Variants in ADCK1 observed in about 807,000 individuals in gnomAD.
ADCK1 encodes the protein aarF domain-containing protein kinase 1.
In ADCK1, 41 loss-of-function variants were observed where a neutral mutation model predicts 52.3. The ratio of observed to expected loss-of-function variants is 0.78; its 90% CI spans 0.61 to 1.02. The LOEUF (loss-of-function observed/expected upper bound fraction) is 1.02. Ranked by LOEUF, ADCK1 falls within the 50% of genes least tolerant of loss-of-function variation. The pLI is 0.00. For missense variants in ADCK1, 658 were observed against 679.5 expected, an observed-to-expected ratio of 0.97 and a Z score of 0.35; for synonymous variants, 250 against 274.6, an observed-to-expected ratio of 0.91 and a Z score of 0.89.
chr14:77,854,280 T>C (rs976379230), intron 3 of ADCK1, among the ~76,000 whole-genome samples: 1 of 152,054 alleles, frequency 6.6e-6, no homozygotes, highest in Non-Finnish European at 1.5e-5. Context: ...GAGTAATTGA[T>C]GTTAGAGAGG....
intron 1 of ADCK1, among the ~76,000 whole-genome samples, chr14:77,807,558 G>A (rs907715261): frequency 4.1e-5 from 6 of 146,650 alleles, no homozygotes; most frequent in African/African-American, 1.5e-4. Flanking sequence ...TGCCCAGGCT[G>A]GAGTGTGGTG....
chr14:77,802,485 C>T (rs1055907388), intron 1 of ADCK1, among the ~76,000 whole-genome samples: 22 of 151,930 alleles, frequency 1.4e-4, no homozygotes, highest in Non-Finnish European at 1.5e-5. Flanking sequence ...GAGTGTTGCT[C>T]TGTCGCCCAG....
chr14:77,821,816 G>A (rs1485688777), intron 2 of ADCK1, among the ~76,000 whole-genome samples: 1 of 146,350 alleles, frequency 6.8e-6, no homozygotes, highest in Non-Finnish European at 1.5e-5. Flanking sequence ...GGAAGGCCGA[G>A]CCTGCAGTGA....
In ADCK1 at chr14:77,819,132, G is replaced by T; in HGVS notation, c.135+19G>T. 2 of 1,613,346 alleles carry T rather than the reference G, an allele frequency of 1.2e-6. No individual in the cohort carries two copies. Among genetic ancestry groups the T allele is most frequent in the South Asian group, 2.2e-5 (2 of 90,846 alleles). ...TGCTACGGTAGGTTTTTCCCTTTTG[G>T]GGGTAGCAGAGAAGCTGCAGGATTA... On this transcript the variant is annotated intron_variant, in intron 2 of 10. Coordinates refer to ENST00000238561, the MANE Select transcript of ADCK1 (RefSeq NM_020421.4).
At chr14:77,827,289 T>C (rs1450750752) in intron 3 of ADCK1, among the ~76,000 whole-genome samples, 5 of 148,630 alleles carry the variant, frequency 3.4e-5, no homozygotes, top group Non-Finnish European at 7.4e-5. Flanking sequence ...GAGGTGGAGG[T>C]TGCAGTGAGC....
rs906217216 is a variant in ADCK1 at position 77,850,752 on chromosome 14, G to A, written c.220-8324G>A. 2.4e-4 allele frequency among the ~76,000 whole-genome samples: 36 copies of A among 148,608 alleles called. No individual in the cohort carries two copies. In the East Asian group the frequency reaches 2.8e-3, roughly 11 times the overall value. On this transcript the variant is annotated intron_variant, in intron 3 of 10. Transcript: ENST00000238561. ...TGCAAACTCCACCTCCCGGATTCAC[G>A]CCATTCTCCTGCCTCAGCTTCCCGA...
At chr14:77,929,857 G>T (rs1031568261) in intron 9 of ADCK1, among the ~76,000 whole-genome samples, 2 of 152,104 alleles carry the variant, frequency 1.3e-5, no homozygotes, top group African/African-American at 4.8e-5. Flanking sequence ...AGTAGAGATG[G>T]GGTTTCGCTA....
chr14:77,823,157 G>C (rs2081617566), intron 3 of ADCK1, among the ~76,000 whole-genome samples: 1 of 152,106 alleles, frequency 6.6e-6, no homozygotes, highest in Non-Finnish European at 1.5e-5. Flanking sequence ...ATATCCCGGA[G>C]ACTTGGGAGA....
At chr14:77,898,754 T>A (rs2083465817) in intron 5 of ADCK1, among the ~76,000 whole-genome samples, 9 of 152,182 alleles carry the variant, frequency 5.9e-5, no homozygotes, top group Admixed American at 2.0e-4. Context: ...CACGTTTACC[T>A]ATGAAACAAG....
At position 77,819,074 on chromosome 14, in the gene ADCK1, T is replaced by G; in HGVS notation, c.96T>G (p.Asn32Lys). The G allele has an allele frequency of 6.2e-7, 1 of 1,614,062 alleles. No individual in the cohort carries two copies. Among genetic ancestry groups the G allele is most frequent in the Non-Finnish European group, 8.5e-7 (1 of 1,180,026 alleles). The change falls in exon 2 of 11, where the codon AAT becomes AAG. Residue 32 changes from asparagine (N) to lysine (K), a missense_variant. By Grantham distance (94) the Asn-to-Lys change is moderately conservative. Transcript: ENST00000238561. ...YFYSNKYLDP[N>K]DFGAVRVGRA... is the part of the protein sequence containing the mutation. ...ACAGTAACAAGTACTTGGACCCTAA[T>G]GACTTTGGCGCTGTCAGGGTGGGCA...
chr14:77,845,642 C>T (rs552465532), intron 3 of ADCK1, among the ~76,000 whole-genome samples: 1 of 152,262 alleles, frequency 6.6e-6, no homozygotes, highest in South Asian at 2.1e-4. Context: ...CCAGGTTGGT[C>T]TCGAGTTCCT....
chr14:77,902,191 G>C (rs1003571580), intron 6 of ADCK1, among the ~76,000 whole-genome samples: 1 of 152,224 alleles, frequency 6.6e-6, no homozygotes, highest in African/African-American at 2.4e-5. Context: ...AACCACTTGA[G>C]AATCCGCAGG....
At chr14:77,819,967 C>A (rs1286925215) in intron 2 of ADCK1, among the ~76,000 whole-genome samples, 2 of 152,218 alleles carry the variant, frequency 1.3e-5, no homozygotes, top group African/African-American at 4.8e-5. Flanking sequence ...GTCTTCAAGG[C>A]TGAGCTGAGT....
At chr14:77,901,424 C>G (rs960056797) in intron 6 of ADCK1, among the ~76,000 whole-genome samples, 33 of 150,164 alleles carry the variant, frequency 2.2e-4, no homozygotes, top group African/African-American at 5.9e-4. Flanking sequence ...GAGTCTCACT[C>G]TGTCACCCAG....
intron 1 of ADCK1, among the ~76,000 whole-genome samples, chr14:77,806,535 A>G (rs79517177): frequency 0.066 from 9,962 of 152,056 alleles, 390 homozygotes; most frequent in African/African-American, 0.096. Flanking sequence ...CCTTGCCTGG[A>G]ATCCAAGGGC....
chr14:77,892,842 G>C (rs4903667), intron 5 of ADCK1, among the ~76,000 whole-genome samples: 53,899 of 151,964 alleles, frequency 0.35, 10,573 homozygotes, highest in Admixed American at 0.49. Flanking sequence ...CCAGGATGAT[G>C]GGGGAGATGG....
chr14:77,899,185 A>G lies in ADCK1; in HGVS notation c.668A>G (p.Glu223Gly). 6.2e-7 allele frequency: 1 copy of G among 1,614,084 alleles called. No homozygotes were observed. The highest frequency in any genetic ancestry group is 8.5e-7 in the Non-Finnish European group (1 of 1,180,020). ...VDEAKKNLPL[E>G]LDFLNEGRNA... ...GAAGCCAAGAAGAACCTGCCTTTGGAGCTGGATTTCCTCAATGAAGGGAGG... is the reference window on the plus strand; with the variant it reads ...GAAGCCAAGAAGAACCTGCCTTTGGGGCTGGATTTCCTCAATGAAGGGAGG... Residue 223 changes from glutamate to glycine, a missense_variant, in exon 6 of 11, where the codon GAG (glutamate) becomes GGG (glycine). Coordinates refer to ENST00000238561, the MANE Select transcript of ADCK1 (RefSeq NM_020421.4).
At chr14:77,884,343 G>A (rs1479721490) in intron 4 of ADCK1, among the ~76,000 whole-genome samples, 1 of 152,208 alleles carries the variant, frequency 6.6e-6, no homozygotes, top group Admixed American at 6.5e-5. Context: ...GGGACTTGGT[G>A]TTGATCTCAT....
chr14:77,868,179 T>C (rs918188465), intron 4 of ADCK1, among the ~76,000 whole-genome samples: 1 of 152,196 alleles, frequency 6.6e-6, no homozygotes, highest in Non-Finnish European at 1.5e-5. Flanking sequence ...ATAAATCATT[T>C]AGTGCGACCC....
Sources: allele counts gnomAD v4.1 joint callset (sites outside exome capture counted in the v4.1 genomes callset), GRCh38; gene constraint gnomAD v4.1.1; transcripts MANE v1.5; gene names NCBI Gene and HGNC (gene_info 2026-07-23, HGNC 2026-07-21).